Variants in ROR2 observed in about 807,000 individuals in gnomAD.
ROR2 encodes tyrosine-protein kinase transmembrane receptor ROR2.
In ROR2, 33 loss-of-function variants were observed where a neutral mutation model predicts 74.9. That is an observed-to-expected ratio of 0.44 (90% confidence interval 0.33 to 0.59). The LOEUF (loss-of-function observed/expected upper bound fraction) is 0.59. ROR2 is among the 20% of genes least tolerant of loss of function. ROR2 has a pLI of 0.02. For missense variants in ROR2, 1,216 were observed against 1,313.8 expected (o/e 0.93, Z 1.15); for synonymous variants, 586 against 558.7 (o/e 1.05, Z -0.69).
chr9:91,901,167 C>G (rs1351367894), intron 1 of ROR2, among the ~76,000 whole-genome samples: 1 of 152,206 alleles, frequency 6.6e-6, no homozygotes, highest in African/African-American at 2.4e-5. Context: ...GAAATGCAAA[C>G]TATACTATAA....
At chr9:91,915,940 CA>C (rs1305688273) in intron 1 of ROR2, among the ~76,000 whole-genome samples, 1 of 152,210 alleles carries the variant, frequency 6.6e-6, no homozygotes, top group African/African-American at 2.4e-5. Context: ...CTTCACCTCT[CA>C]AAATGAGGGG....
At chr9:91,832,592 C>A (rs538946597) in intron 1 of ROR2, among the ~76,000 whole-genome samples, 1 of 152,008 alleles carries the variant, frequency 6.6e-6, no homozygotes, top group African/African-American at 2.4e-5. Flanking sequence ...AGCAAAGCAG[C>A]GGCTTTTCTG....
At chr9:91,826,181 T>C (rs1828283978) in intron 1 of ROR2, among the ~76,000 whole-genome samples, 1 of 152,146 alleles carries the variant, frequency 6.6e-6, no homozygotes, top group Non-Finnish European at 1.5e-5. Context: ...AGTTTTCTCA[T>C]CTACAGAATG....
chr9:91,757,207 C>T, intron 3 of ROR2, 65 bp downstream of exon 3: 2 of 1,601,146 alleles, frequency 1.2e-6, no homozygotes, highest in Non-Finnish European at 8.5e-7. Context: ...AGCAACTGGA[C>T]CTCTTGCTCG....
At chr9:91,801,215 G>A (rs1564285119) in intron 1 of ROR2, among the ~76,000 whole-genome samples, 1 of 152,178 alleles carries the variant, frequency 6.6e-6, no homozygotes, top group Non-Finnish European at 1.5e-5. Context: ...ATAGTTTACT[G>A]CTCTTTGTTC....
Position 91,854,286 on chromosome 9 carries a change from T to A in ROR2, c.98-78468A>T, listed in dbSNP as rs1829205418. On this transcript the variant is annotated intron_variant, in intron 1 of 8. Coordinates refer to ENST00000375708, the MANE Select transcript of ROR2 (RefSeq NM_004560.4). The stretch of plus-strand genomic sequence containing the variant: ...AGACCAAGTACCCTGGCCAGGAAAG[T>A]CCTGTGACCAAGTCACAAGGGCGTG... Among the ~76,000 whole-genome samples, 5 of 152,264 alleles carry A rather than the reference T, an allele frequency of 3.3e-5. No homozygotes were observed. The South Asian group carries it at 1.0e-3, about 32-fold the overall frequency.
chr9:91,949,888 G>T lies in ROR2; in HGVS notation c.76C>A (p.Leu26Ile). The change falls in exon 1 of 9, where the codon CTC (leucine) becomes ATC (isoleucine). Residue 26 changes from leucine (L) to isoleucine (I), a missense_variant. By Grantham distance (5) the Leu-to-Ile change is conservative. Coordinates refer to ENST00000375708, the MANE Select transcript of ROR2 (RefSeq NM_004560.4). ...PAVWAAAALL[L>I]SVSRTSGEVE... The stretch of plus-strand genomic sequence containing the variant: ...CTACCTGAAGTCCGGGACACTGAGA[G>T]CAGAAGCGCGGCGGCCGCCCAGACG... 1 of 1,540,784 alleles carries T rather than the reference G, an allele frequency of 6.5e-7. No individual in the cohort carries two copies. Among genetic ancestry groups the T allele is most frequent in the Non-Finnish European group, 8.8e-7 (1 of 1,141,656 alleles).
rs534067815 is a variant in ROR2 at position 91,794,420 on chromosome 9, G to A, written c.98-18602C>T. On this transcript the variant is annotated intron_variant, in intron 1 of 8. Transcript: ENST00000375708. ...GACTCACCAGTAAGTAAAGCAAGGT[G>A]AGAACCACAGTGTGTCCCTTTCCTG... is the stretch of plus-strand genomic sequence containing the variant. Among the ~76,000 whole-genome samples the A allele has an allele frequency of 6.6e-5, 10 of 152,312 alleles. No homozygotes were observed. In the East Asian group the frequency reaches 1.9e-3, roughly 29 times the overall value.
At chr9:91,909,083 AAAC>A (rs1259030884) in intron 1 of ROR2, among the ~76,000 whole-genome samples, 7 of 152,350 alleles carry the variant, frequency 4.6e-5, no homozygotes, top group Admixed American at 1.3e-4. Context: ...GCTTTGCCAG[AAAC>A]AACCTATATA....
At chr9:91,809,118 C>G (rs1827666054) in intron 1 of ROR2, among the ~76,000 whole-genome samples, 2 of 152,184 alleles carry the variant, frequency 1.3e-5, no homozygotes, top group South Asian at 4.1e-4. Flanking sequence ...ATCCTCTTGC[C>G]TCCATGTTGC....
intron 4 of ROR2, among the ~76,000 whole-genome samples, chr9:91,755,164 A>G (rs776732661): frequency 6.0e-4 from 71 of 118,558 alleles, no homozygotes; most frequent in South Asian, 5.5e-3. Flanking sequence ...TTGGGGGGGG[A>G]AAAAAATCTG....
At chr9:91,900,166 C>G (rs1389241592) in intron 1 of ROR2, among the ~76,000 whole-genome samples, 2 of 152,250 alleles carry the variant, frequency 1.3e-5, no homozygotes, top group African/African-American at 2.4e-5. Context: ...CAGTGCTGGG[C>G]AGGCCCCCAG....
chr9:91,875,494 A>T, intron 1 of ROR2, among the ~76,000 whole-genome samples: 1 of 152,244 alleles, frequency 6.6e-6, no homozygotes, highest in East Asian at 1.9e-4. Flanking sequence ...ACCAGTGAAC[A>T]ATGCTGGATT....
At chr9:91,766,786 T>C (rs891186293) in intron 2 of ROR2, among the ~76,000 whole-genome samples, 5 of 152,246 alleles carry the variant, frequency 3.3e-5, no homozygotes, top group African/African-American at 1.2e-4. Flanking sequence ...CATGGCTGAC[T>C]GAGGTTTCGG....
In ROR2 at chr9:91,757,445, T is replaced by G; in HGVS notation, c.290A>C (p.Lys97Thr). ...GNPPPNVRWL[K>T]NDAPVVQEPR... The stretch of plus-strand genomic sequence containing the variant: ...CTCCTGCACCACCGGGGCATCATTC[T>G]TTAGCCACCGCACGTTAGGGGGTGG... Residue 97 changes from lysine (K) to threonine (T), a missense_variant, in exon 3 of 9, where the codon AAG becomes ACG. Coordinates refer to ENST00000375708, the MANE Select transcript of ROR2 (RefSeq NM_004560.4). 6.2e-7 allele frequency: 1 copy of G among 1,614,018 alleles called. No homozygotes were observed. Among genetic ancestry groups the G allele is most frequent in the Non-Finnish European group, 8.5e-7 (1 of 1,180,006 alleles).
intron 4 of ROR2, among the ~76,000 whole-genome samples, chr9:91,740,158 T>G (rs1481320857): frequency 1.3e-5 from 2 of 152,128 alleles, no homozygotes; most frequent in Middle Eastern, 6.3e-3. Context: ...GAGCAAGGGA[T>G]GTAAGGAAGA....
chr9:91,883,541 A>C (rs775132642), intron 1 of ROR2, among the ~76,000 whole-genome samples: 3 of 152,200 alleles, frequency 2.0e-5, no homozygotes, highest in Non-Finnish European at 2.9e-5. Context: ...ATTCACACTA[A>C]TCATATTTCC....
At chr9:91,871,954 G>A (rs572135100) in intron 1 of ROR2, among the ~76,000 whole-genome samples, 84 of 152,232 alleles carry the variant, frequency 5.5e-4, no homozygotes, top group Admixed American at 1.4e-3. Context: ...ACCGCAGCCA[G>A]CATCTGACGA....
chr9:91,734,305 T>C (rs574787202), intron 5 of ROR2, among the ~76,000 whole-genome samples: 1 of 152,260 alleles, frequency 6.6e-6, no homozygotes, highest in African/African-American at 2.4e-5. Flanking sequence ...CTTACAACAA[T>C]TGAGCTTGGG....
Sources: allele counts gnomAD v4.1 joint callset (sites outside exome capture counted in the v4.1 genomes callset), GRCh38; gene constraint gnomAD v4.1.1; transcripts MANE v1.5; gene names NCBI Gene and HGNC (gene_info 2026-07-23, HGNC 2026-07-21).